Variants in PPEF2 observed in about 807,000 individuals in gnomAD.
PPEF2 encodes protein phosphatase with EF-hand domain 2.
Under a neutral mutation model 84.7 loss-of-function variants are expected in PPEF2, and 84 were observed. The ratio of observed to expected loss-of-function variants is 0.99; its 90% confidence interval spans 0.83 to 1.19. PPEF2 has a LOEUF of 1.19. Ranked by LOEUF, PPEF2 falls within the 50% of genes most tolerant of loss-of-function variation. PPEF2 has a pLI of 0.00. For missense variants in PPEF2, 924 were observed against 937.5 expected, an observed-to-expected ratio of 0.99 and a Z score of 0.19; for synonymous variants, 346 against 345.2, an observed-to-expected ratio of 1.00 and a Z score of -0.03.
intron 10 of PPEF2, among the ~76,000 whole-genome samples, chr4:75,880,014 A>G (rs1378265183): frequency 6.6e-6 from 1 of 152,010 alleles, no homozygotes; most frequent in Non-Finnish European, 1.5e-5. Context: ...CTTTTAGTAG[A>G]GACGGGGGTT....
intron 15 of PPEF2, 31 bp downstream of exon 15, chr4:75,866,158 G>A (rs1724124234): frequency 6.3e-7 from 1 of 1,581,936 alleles, no homozygotes; most frequent in Non-Finnish European, 8.6e-7. Flanking sequence ...TAGTCCACAT[G>A]TGCTCTCATC....
rs33943154 is a variant in PPEF2, at chr4:75,881,102, A to ATTT, written c.933+1821_933+1823dup. ...GGCATGAGCCACCGCATCCAGCATAATTTTTTTTTTTTTTTGACATGGAGT... is the reference window on the plus strand; with the variant it reads ...GGCATGAGCCACCGCATCCAGCATAATTTTTTTTTTTTTTTTTTGACATGGAGT... On this transcript the variant is annotated intron_variant, in intron 10 of 16. Coordinates refer to ENST00000286719, the MANE Select transcript of PPEF2 (RefSeq NM_006239.3). 9.6e-4 allele frequency among the ~76,000 whole-genome samples: 132 copies of ATTT among 138,134 alleles called. 3 individuals carry two copies. The highest frequency in any genetic ancestry group is 7.5e-3 in the Middle Eastern group (2 of 268). The allele number at this position is 138,134 out of a possible 152,430, so 90.6% of individuals were successfully genotyped here. A position where few individuals can be genotyped will look rare whatever the true frequency, so the allele number is the denominator to read the frequency against.
At chr4:75,877,126 T>C (rs1248423439) in intron 10 of PPEF2, among the ~76,000 whole-genome samples, 4 of 151,812 alleles carry the variant, frequency 2.6e-5, no homozygotes, top group East Asian at 2.0e-4. Context: ...CCTGCCTGAA[T>C]TGGGAGTTCG....
chr4:75,866,572 T>G, intron 14 of PPEF2: 1 of 617,490 alleles, frequency 1.6e-6, no homozygotes, highest in Non-Finnish European at 2.9e-6. Flanking sequence ...AGACAGACAG[T>G]AAAGTATATA....
At chr4:75,894,007 T>G (rs1422865470) in intron 2 of PPEF2, among the ~76,000 whole-genome samples, 1 of 152,156 alleles carries the variant, frequency 6.6e-6, no homozygotes, top group Non-Finnish European at 1.5e-5. Flanking sequence ...AATGCAAAAA[T>G]GTATAGGCCC....
chr4:75,859,924 A>G lies in PPEF2; in HGVS notation c.*743T>C, dbSNP rs956815578. On this transcript the variant is annotated 3_prime_UTR_variant, in exon 17 of 17. Coordinates refer to ENST00000286719, the MANE Select transcript of PPEF2 (RefSeq NM_006239.3). ...TTAAAAGTAGAACATAAAATTATAT[A>G]AACACTACAGTAACAAGTAAGAAAA... The G allele has an allele frequency of 6.6e-6, 1 of 152,272 alleles. No individual in the cohort carries two copies. Among genetic ancestry groups the G allele is most frequent in the Non-Finnish European group, 1.5e-5 (1 of 68,058 alleles). The allele number at this position is 152,272 out of a possible 1,614,324, so 9.4% of individuals were successfully genotyped here.
Position 75,891,797 on chromosome 4 carries a change from G to A in PPEF2, c.183+54C>T, listed in dbSNP as rs575163004. The A allele has an allele frequency of 3.2e-5, 51 of 1,598,118 alleles. No individual in the cohort carries two copies. The African/African-American group carries it at 5.7e-4, about 18-fold the overall frequency. On this transcript the variant is annotated intron_variant, in intron 3 of 16. Coordinates refer to ENST00000286719, the MANE Select transcript of PPEF2 (RefSeq NM_006239.3). ...TTGGCCTCACTTTAGGAGCACCCGAGCCCTGCTGCCCAAGGGAGAGCAGGA... is the reference window on the plus strand; with the variant it reads ...TTGGCCTCACTTTAGGAGCACCCGAACCCTGCTGCCCAAGGGAGAGCAGGA...
At chr4:75,866,522 G>T (rs549907442) in intron 14 of PPEF2, 170 bp from the exon 15 acceptor site, 1 of 771,542 alleles carries the variant, frequency 1.3e-6, no homozygotes, top group Non-Finnish European at 2.2e-6. Context: ...AGCTAGGCTT[G>T]CCAGATAAAA....
chr4:75,891,245 C>T (rs1724874403), intron 4 of PPEF2, among the ~76,000 whole-genome samples: 1 of 151,910 alleles, frequency 6.6e-6, no homozygotes, highest in South Asian at 2.1e-4. Context: ...CCCACCTCCC[C>T]AGCCGCTTTC....
chr4:75,865,575 G>A (rs537904772), intron 15 of PPEF2, among the ~76,000 whole-genome samples: 3 of 151,828 alleles, frequency 2.0e-5, no homozygotes, highest in Admixed American at 6.6e-5. Context: ...TAGAAGAGAC[G>A]GGGTTTCATC....
At position 75,895,286 on chromosome 4, in the gene PPEF2, G is replaced by T. The variant is rs929099912; in HGVS notation, c.55+985C>A. On this transcript the variant is annotated intron_variant, in intron 2 of 16. Transcript: ENST00000286719. ...CTACTAAAAATTCAAAAAATTAGCC[G>T]GGCATGGTGGCACCCGCCTGTAATC... 2.0e-5 allele frequency among the ~76,000 whole-genome samples: 3 copies of T among 151,864 alleles called. No individual in the cohort carries two copies. In the East Asian group the frequency reaches 5.8e-4, roughly 29 times the overall value.
At position 75,884,684 on chromosome 4, in the gene PPEF2, A is replaced by G; in HGVS notation, c.656T>C (p.Ile219Thr). The change falls in exon 8 of 17, where the codon ATC becomes ACC. Residue 219 changes from isoleucine (I) to threonine (T), a missense_variant. Ile to Thr is a moderately conservative substitution (Grantham distance 89). Coordinates refer to ENST00000286719, the MANE Select transcript of PPEF2 (RefSeq NM_006239.3). ...CATGAAGGCAAAAAGAATCATCAGG[A>G]TCTCTACTGAATCCTTGCCTCGATC... is the stretch of plus-strand genomic sequence containing the variant. ...FVDRGKDSVE[I>T]LMILFAFMLV... The G allele has an allele frequency of 1.2e-6, 2 of 1,613,852 alleles. No individual in the cohort carries two copies. Among genetic ancestry groups the G allele is most frequent in the Non-Finnish European group, 1.7e-6 (2 of 1,179,856 alleles).
At chr4:75,867,524 C>G in intron 13 of PPEF2, 105 bp from the exon 14 acceptor site, 1 of 845,390 alleles carries the variant, frequency 1.2e-6, no homozygotes, top group African/African-American at 1.7e-5. Flanking sequence ...ATCAGTCTCC[C>G]AAGAGCTCAG....
rs748713263 is a variant in PPEF2, at chr4:75,866,251, C to T, written c.1858G>A (p.Asp620Asn). 10 of 1,614,172 alleles carry T rather than the reference C, an allele frequency of 6.2e-6. No individual in the cohort carries two copies. The highest frequency in any genetic ancestry group is 8.5e-6 in the Non-Finnish European group (10 of 1,180,040). ...LRPQLVNSSA[D>N]NMLEYKSWLK... ...CAAGACTTGTACTCCAGCATGTTGTCTGCTGAGCTGTTCACCAGCTGTGGC... is the reference window on the plus strand; with the variant it reads ...CAAGACTTGTACTCCAGCATGTTGTTTGCTGAGCTGTTCACCAGCTGTGGC... Residue 620 changes from aspartate (D) to asparagine (N), a missense_variant, in exon 15 of 17, where the codon GAC (aspartate) becomes AAC (asparagine). Coordinates refer to ENST00000286719, the MANE Select transcript of PPEF2 (RefSeq NM_006239.3).
At chr4:75,898,335 G>A (rs914134683) in intron 1 of PPEF2, among the ~76,000 whole-genome samples, 19 of 152,158 alleles carry the variant, frequency 1.2e-4, no homozygotes, top group African/African-American at 3.1e-4. Context: ...CCCAACATTC[G>A]TCTCTCTTCT....
chr4:75,870,507 G>T (rs1023874226), intron 13 of PPEF2, among the ~76,000 whole-genome samples: 3 of 152,098 alleles, frequency 2.0e-5, no homozygotes, highest in Non-Finnish European at 2.9e-5. Context: ...TAGTTTTGCC[G>T]ATCTTAATTT....
At position 75,860,796 on chromosome 4, in the gene PPEF2, G is replaced by A. The variant is rs779408654; in HGVS notation, c.2133C>T (p.His711=). The A allele has an allele frequency of 1.2e-6, 2 of 1,614,234 alleles. No homozygotes were observed. The highest frequency in any genetic ancestry group is 1.1e-5 in the South Asian group (1 of 91,090). Residue 711 remains histidine (H), a synonymous_variant, in exon 17 of 17, where the codon CAC becomes CAT. Coordinates refer to ENST00000286719, the MANE Select transcript of PPEF2 (RefSeq NM_006239.3). The part of the protein sequence containing the change: ...ARSIDFNKDG[H]IDINEFLEAF... ...CCTCCAGGAACTCATTGATATCAAT[G>A]TGGCCATCTTTGTTGAAATCAATGC...
At chr4:75,886,186 C>A (rs530411282) in intron 7 of PPEF2, among the ~76,000 whole-genome samples, 7 of 152,270 alleles carry the variant, frequency 4.6e-5, no homozygotes, top group South Asian at 2.1e-4. Context: ...CTGAATGCCT[C>A]TAAGTCAGAA....
intron 16 of PPEF2, among the ~76,000 whole-genome samples, chr4:75,862,906 A>G (rs916531021): frequency 1.3e-5 from 2 of 152,252 alleles, no homozygotes; most frequent in Non-Finnish European, 2.9e-5. Flanking sequence ...TCCAAAGTCA[A>G]TCAACTAATG....
Sources: gnomAD v4.1 joint callset for allele counts (sites outside exome capture counted in the v4.1 genomes callset) on GRCh38, gnomAD v4.1.1 for gene constraint, MANE v1.5 for transcripts, NCBI Gene and HGNC (gene_info 2026-07-23, HGNC 2026-07-21) for gene names.